ZDHHC21: variants seen among roughly 807,000 people sequenced by gnomAD.
The protein encoded by ZDHHC21 is zDHHC palmitoyltransferase 21.
Under a neutral mutation model 34.6 loss-of-function variants are expected in ZDHHC21, and 15 were observed. The observed-to-expected ratio is 0.43, with a 90% CI of 0.29 to 0.67. The LOEUF (loss-of-function observed/expected upper bound fraction) is 0.67, where lower values mean the gene tolerates loss of function less well. Among genes scored for constraint, ZDHHC21 ranks in the 30% least tolerant of loss-of-function variants. The pLI, the probability that ZDHHC21 is intolerant of heterozygous loss-of-function variation, is 0.14. For missense variants in ZDHHC21, 344 were observed against 327.7 expected, an observed-to-expected ratio of 1.05 and a Z score of -0.38; for synonymous variants, 142 against 101.8, an observed-to-expected ratio of 1.40 and a Z score of -2.38.
intron 8 of ZDHHC21, among the ~76,000 whole-genome samples, chr9:14,629,683 G>C (rs1352848380): frequency 1.3e-5 from 2 of 152,082 alleles, no homozygotes; most frequent in African/African-American, 2.4e-5. Context: ...ATTTTTGCTG[G>C]TAGGGGGTCT....
intron 8 of ZDHHC21, among the ~76,000 whole-genome samples, chr9:14,623,395 G>A (rs536434881): frequency 6.6e-6 from 1 of 152,044 alleles, no homozygotes; most frequent in African/African-American, 2.4e-5. Context: ...ATGGCATGGT[G>A]GCATGTGCCT....
chr9:14,672,938 A>G lies in ZDHHC21; in HGVS notation c.155-10T>C, dbSNP rs762534580. On this transcript the variant is annotated splice_polypyrimidine_tract_variant and intron_variant, in intron 4 of 9. Coordinates refer to ENST00000380916, the MANE Select transcript of ZDHHC21 (RefSeq NM_178566.6). ...GAAATGCCATAGAATACTTTAAAAT[A>G]AATAAATTAAATAAATTAGTCACTT... is the stretch of plus-strand genomic sequence containing the variant. 2 of 1,432,128 alleles carry G rather than the reference A, an allele frequency of 1.4e-6. No homozygotes were observed. The highest frequency in any genetic ancestry group is 2.7e-5 in the South Asian group (2 of 72,822). 88.7% of individuals were successfully genotyped at this position (1,432,128 alleles called of 1,614,324 possible).
intron 2 of ZDHHC21, among the ~76,000 whole-genome samples, chr9:14,685,871 A>G (rs2131661018): frequency 6.6e-6 from 1 of 152,364 alleles, no homozygotes; most frequent in East Asian, 1.9e-4. Context: ...AATACTATGC[A>G]GCCATAAAAA....
At chr9:14,674,156 T>A (rs376163915) in intron 4 of ZDHHC21, 31 bp downstream of exon 4, 126 of 1,429,048 alleles carry the variant, frequency 8.8e-5, no homozygotes, top group Non-Finnish European at 1.2e-4. Context: ...GAAAAATAAT[T>A]ATACAAGAAA....
intron 7 of ZDHHC21, among the ~76,000 whole-genome samples, chr9:14,652,482 C>A (rs919793118): frequency 6.6e-6 from 1 of 151,710 alleles, no homozygotes; most frequent in Non-Finnish European, 1.5e-5. Flanking sequence ...AATCTTTGAA[C>A]GTTCGTGATA....
At chr9:14,595,548 G>A in the ZDHHC21 span, among the ~76,000 whole-genome samples, 1 of 152,250 alleles carries the variant, frequency 6.6e-6, no homozygotes, top group African/African-American at 2.4e-5. Context: ...TTTGGTGAAG[G>A]TTGTACAACT....
At chr9:14,594,277 G>C in the ZDHHC21 span, 4 of 152,068 alleles carry the variant, frequency 2.6e-5, no homozygotes, top group Non-Finnish European at 5.9e-5. Flanking sequence ...AAATAATTTT[G>C]AAAGAAAAGA....
intron 5 of ZDHHC21, among the ~76,000 whole-genome samples, chr9:14,664,150 G>T (rs963243285): frequency 6.6e-6 from 1 of 151,864 alleles, no homozygotes; most frequent in Non-Finnish European, 1.5e-5. Flanking sequence ...CAGCGGGTGC[G>T]CGCACCGTGC....
chr9:14,655,730 A>T (rs1392572996), intron 7 of ZDHHC21, among the ~76,000 whole-genome samples: 1 of 151,900 alleles, frequency 6.6e-6, no homozygotes, highest in African/African-American at 2.4e-5. Context: ...TTTAAATTAG[A>T]AATTCCAAAA....
rs1824328529 is a variant in ZDHHC21, at chr9:14,617,000, G to C, written c.*1966C>G. ...ACATGAAGTATAAATTAGCCACAAA[G>C]TTCTTTAGGTGATCTTCACTTGGCT... On this transcript the variant is annotated 3_prime_UTR_variant, in exon 10 of 10. Transcript: ENST00000380916. 1.3e-5 allele frequency: 2 copies of C among 151,864 alleles called. No individual in the cohort carries two copies. The highest frequency in any genetic ancestry group is 1.3e-4 in the Admixed American group (2 of 15,210). 9.4% of individuals were successfully genotyped at this position (151,864 alleles called of 1,614,324 possible). A position where few individuals can be genotyped will look rare whatever the true frequency, so the allele number is the denominator to read the frequency against.
At chr9:14,675,793 C>T (rs1479575955) in intron 3 of ZDHHC21, among the ~76,000 whole-genome samples, 3 of 151,828 alleles carry the variant, frequency 2.0e-5, no homozygotes, top group South Asian at 2.1e-4. Context: ...ACCAGTTAAA[C>T]GAGGAATCAA....
At chr9:14,692,444 G>T (rs1484572321) in intron 1 of ZDHHC21, among the ~76,000 whole-genome samples, 1 of 152,000 alleles carries the variant, frequency 6.6e-6, no homozygotes, top group African/African-American at 2.4e-5. Flanking sequence ...CAATGACCTT[G>T]ATTTTTTTTT....
intron 7 of ZDHHC21, among the ~76,000 whole-genome samples, chr9:14,651,236 C>T (rs1681523444): frequency 6.6e-6 from 1 of 151,808 alleles, no homozygotes; most frequent in Admixed American, 6.6e-5. Context: ...TATTAATCTA[C>T]CAATCAGGAG....
the ZDHHC21 span, among the ~76,000 whole-genome samples, chr9:14,605,621 T>G: frequency 6.6e-6 from 1 of 152,224 alleles, no homozygotes; most frequent in Non-Finnish European, 1.5e-5. Context: ...GAAAATACCT[T>G]CTCCCATTCG....
At chr9:14,692,994 C>G (rs1587537450) in intron 1 of ZDHHC21, among the ~76,000 whole-genome samples, 1 of 151,896 alleles carries the variant, frequency 6.6e-6, no homozygotes, top group Admixed American at 6.6e-5. Flanking sequence ...GGGGCTGTAG[C>G]TCTAGCAGAA....
At chr9:14,620,562 G>A (rs1365448452) in intron 8 of ZDHHC21, among the ~76,000 whole-genome samples, 1 of 61,018 alleles carries the variant, frequency 1.6e-5, no homozygotes, top group Non-Finnish European at 2.9e-5. Flanking sequence ...TACATAGGTG[G>A]ACTTATTTAA....
intron 7 of ZDHHC21, among the ~76,000 whole-genome samples, chr9:14,651,682 C>T (rs1322998154): frequency 6.6e-6 from 1 of 151,918 alleles, no homozygotes; most frequent in Admixed American, 6.6e-5. Flanking sequence ...TCTTTAAATA[C>T]AGTGGTACTT....
intron 2 of ZDHHC21, among the ~76,000 whole-genome samples, chr9:14,684,583 C>T (rs1459306975): frequency 1.3e-5 from 2 of 151,730 alleles, no homozygotes; most frequent in East Asian, 3.9e-4. Flanking sequence ...ACATTCCATG[C>T]TCATGGGTAG....
In ZDHHC21 at chr9:14,655,478, A is replaced by G. The variant is rs147674180; in HGVS notation, c.504+3271T>C. Among the ~76,000 whole-genome samples, 1,285 of 152,076 alleles carry G rather than the reference A, an allele frequency of 8.4e-3. 5 individuals carry two copies. The highest frequency in any genetic ancestry group is 0.014 in the Non-Finnish European group (925 of 67,826). ...TGTATAACAATATAACACATAATGT[A>G]TATGTAACAACAATAATGTCTTGTT... On this transcript the variant is annotated intron_variant, in intron 7 of 9. Transcript: ENST00000380916.
Sources: allele counts gnomAD v4.1 joint callset (sites outside exome capture counted in the v4.1 genomes callset), GRCh38; gene constraint gnomAD v4.1.1; transcripts MANE v1.5; gene names NCBI Gene and HGNC (gene_info 2026-07-23, HGNC 2026-07-21).